RBBP7: variants seen among roughly 807,000 people sequenced by gnomAD.
RBBP7 encodes histone-binding protein RBBP7.
In RBBP7, 5 loss-of-function variants were observed where a neutral mutation model predicts 35.2. The observed-to-expected ratio is 0.14, with a 90% CI of 0.07 to 0.30. RBBP7 has a LOEUF of 0.30. RBBP7 is among the 10% of genes least tolerant of loss of function. The pLI is 1.00. For synonymous variants in RBBP7, 140 were observed against 118.7 expected, an observed-to-expected ratio of 1.18 and a Z score of -1.17; for missense variants, 155 against 327.5, an observed-to-expected ratio of 0.47 and a Z score of 4.07.
chrX:16,846,172 C>A, intron 10 of RBBP7: 1 of 346,634 alleles, frequency 2.9e-6, no homozygotes, highest in Non-Finnish European at 4.5e-6. Flanking sequence ...TACCTAGATT[C>A]ACCAAGTGAT....
chrX:16,865,641 G>A (rs943108728), intron 2 of RBBP7, among the ~76,000 whole-genome samples: 2 of 111,997 alleles, frequency 1.8e-5, no homozygotes, highest in Non-Finnish European at 3.8e-5. Context: ...GTACCTAAAG[G>A]CTGCAGAAGG....
At chrX:16,859,365 C>CA (rs1166553403) in intron 3 of RBBP7, among the ~76,000 whole-genome samples, 1 of 112,271 alleles carries the variant, frequency 8.9e-6, no homozygotes, top group Non-Finnish European at 1.9e-5. Flanking sequence ...TCCCTAAACA[C>CA]ACATACATTG....
chrX:16,846,222 GA>G, intron 10 of RBBP7: 1 of 195,093 alleles, frequency 5.1e-6, no homozygotes, highest in Non-Finnish European at 9.1e-6. Flanking sequence ...CCTATACAAT[GA>G]AATGGCTGAA....
intron 1 of RBBP7, chrX:16,869,804 A>G: frequency 1.1e-6 from 1 of 922,167 alleles, no homozygotes; most frequent in Non-Finnish European, 1.3e-6. Context: ...TGGAGGAGGG[A>G]AGGGAAGAGG....
chrX:16,846,036 G>C lies in RBBP7; in HGVS notation c.1099-98C>G. 5 of 1,107,565 alleles carry C rather than the reference G, an allele frequency of 4.5e-6. No homozygotes were observed. The South Asian group carries it at 6.9e-5, about 15-fold the overall frequency. 91.3% of individuals were successfully genotyped at this position (1,107,565 alleles called of 1,213,427 possible). ...TTTAGAGCTATCAGTATTTCAACTG[G>C]GGGTGGGTGCTGTCTGGTTTTAGAA... is the stretch of plus-strand genomic sequence containing the variant. On this transcript the variant is annotated intron_variant, in intron 10 of 11. Coordinates refer to ENST00000380087, the MANE Select transcript of RBBP7 (RefSeq NM_002893.4).
intron 2 of RBBP7, among the ~76,000 whole-genome samples, chrX:16,868,785 G>A (rs1397232721): frequency 8.9e-6 from 1 of 112,184 alleles, no homozygotes; most frequent in Non-Finnish European, 1.9e-5. Context: ...AAACGCATTA[G>A]TTTGGGCCCA....
chrX:16,864,304 G>A, intron 2 of RBBP7, among the ~76,000 whole-genome samples: 1 of 110,867 alleles, frequency 9.0e-6, no homozygotes, highest in East Asian at 2.8e-4. Context: ...CGGATCACCT[G>A]AGGTCAGGAG....
In RBBP7 at chrX:16,852,347, C is replaced by G. The variant is rs138627620; in HGVS notation, c.963+204G>C. On this transcript the variant is annotated intron_variant, in intron 8 of 11. Transcript: ENST00000380087. ...AGCACTGAGGAACTCAGCCTGGGAT[C>G]TCAATAAATTTATTCGACCCCATAA... The G allele has an allele frequency of 1.9e-3, 1,035 of 538,817 alleles. 7 individuals are homozygous for G. The African/African-American group carries it at 0.022, about 11-fold the overall frequency. The allele number at this position is 538,817 out of a possible 1,213,427, so 44.4% of individuals were successfully genotyped here.
intron 1 of RBBP7, 59 bp from the exon 2 acceptor site, chrX:16,869,279 T>C: frequency 3.5e-6 from 4 of 1,157,122 alleles, no homozygotes; most frequent in Non-Finnish European, 3.5e-6. Flanking sequence ...AGTCAGAAAT[T>C]GGAGGTCACC....
Position 16,845,087 on chromosome X carries a change from T to C in RBBP7, c.1226A>G (p.Asn409Ser), listed in dbSNP as rs1602412159. 1 of 1,208,198 alleles carries C rather than the reference T, an allele frequency of 8.3e-7. No homozygotes were observed. Among genetic ancestry groups the C allele is most frequent in the Non-Finnish European group, 1.1e-6 (1 of 892,453 alleles). ...TGTCGTGACATCTGACTCTTCATCA[T>C]TGTAAATATTTTCAGCCTGGAGATA... ...QIWQMAENIYNDEESDVTTSE... is the reference protein window; with the variant it reads ...QIWQMAENIYSDEESDVTTSE... Residue 409 changes from asparagine to serine, a missense_variant, in exon 12 of 12, where the codon AAT becomes AGT. Transcript: ENST00000380087.
At chrX:16,852,426 T>A (rs758302441) in intron 8 of RBBP7, 125 bp downstream of exon 8, 5 of 744,622 alleles carry the variant, frequency 6.7e-6, no homozygotes, top group Non-Finnish European at 1.1e-5. Flanking sequence ...CCTATGAGCA[T>A]CTCCATGTAA....
chrX:16,852,339 C>T (rs952449106), intron 8 of RBBP7: 3 of 530,076 alleles, frequency 5.7e-6, no homozygotes, highest in African/African-American at 4.7e-5. Flanking sequence ...AGGAACTCAG[C>T]CTGGGATCTC....
At chrX:16,849,068 C>T in intron 10 of RBBP7, 176 bp downstream of exon 10, 1 of 368,213 alleles carries the variant, frequency 2.7e-6, no homozygotes, top group Non-Finnish European at 4.7e-6. Flanking sequence ...ACCTACTGGG[C>T]TCCATTTACT....
intron 2 of RBBP7, among the ~76,000 whole-genome samples, chrX:16,868,779 G>A (rs144801315): frequency 1.8e-5 from 2 of 112,032 alleles, no homozygotes; most frequent in South Asian, 7.3e-4. Flanking sequence ...TTAAAGAAAC[G>A]CATTAGTTTG....
chrX:16,852,410 C>T (rs745770394), intron 8 of RBBP7, 141 bp downstream of exon 8: 1 of 687,382 alleles, frequency 1.5e-6, no homozygotes, highest in Admixed American at 2.3e-5. Context: ...ACAAGGTGTA[C>T]CTTACCCTAT....
At chrX:16,862,918 C>T in intron 3 of RBBP7, 37 bp downstream of exon 3, 1 of 1,182,651 alleles carries the variant, frequency 8.5e-7, no homozygotes, top group Non-Finnish European at 1.1e-6. Flanking sequence ...AGACATTTTC[C>T]CTTTGACACC....
intron 5 of RBBP7, among the ~76,000 whole-genome samples, chrX:16,854,691 G>A (rs754330528): frequency 9.1e-6 from 1 of 109,505 alleles, no homozygotes; most frequent in Non-Finnish European, 1.9e-5. Context: ...ACTCTGAGAG[G>A]TCAAGGCCTG....
At position 16,846,082 on chromosome X, in the gene RBBP7, C is replaced by A. The variant is rs1316411090; in HGVS notation, c.1099-144G>T. 6.1e-6 allele frequency: 6 copies of A among 991,087 alleles called. No homozygotes were observed. In the East Asian group the frequency reaches 2.1e-4, roughly 35 times the overall value. The allele number at this position is 991,087 out of a possible 1,213,427, so 81.7% of individuals were successfully genotyped here. On this transcript the variant is annotated intron_variant, in intron 10 of 11. Transcript: ENST00000380087. Reference sequence around the variant, plus strand: ...TAGAAGGTGGTACAGGCTCAGTAATCTATTTATACTTATTTTGCAAATTTC... The same window carrying A: ...TAGAAGGTGGTACAGGCTCAGTAATATATTTATACTTATTTTGCAAATTTC...
At chrX:16,847,331 C>T (rs1351077068) in intron 10 of RBBP7, 1 of 107,392 alleles carries the variant, frequency 9.3e-6, no homozygotes, top group African/African-American at 3.4e-5. Flanking sequence ...ATTAGCTGGA[C>T]ATGGTGTTGC....
Sources: allele counts gnomAD v4.1 joint callset (sites outside exome capture counted in the v4.1 genomes callset), GRCh38; gene constraint gnomAD v4.1.1; transcripts MANE v1.5; gene names NCBI Gene and HGNC (gene_info 2026-07-23, HGNC 2026-07-21).